Variants in MAP4K5 observed in about 807,000 individuals in gnomAD.
MAP4K5 encodes MAPK/ERK kinase kinase kinase 5.
In MAP4K5, 82 loss-of-function variants were observed where a neutral mutation model predicts 135.6. That is an observed-to-expected ratio of 0.60 (90% CI 0.51 to 0.73). The LOEUF (loss-of-function observed/expected upper bound fraction) is 0.73, where lower values mean the gene tolerates loss of function less well. MAP4K5 is among the 30% of genes least tolerant of loss of function. MAP4K5 has a pLI of 0.00. For synonymous variants in MAP4K5, 347 were observed against 335.0 expected, an observed-to-expected ratio of 1.04 and a Z score of -0.39; for missense variants, 907 against 1,010.9, an observed-to-expected ratio of 0.90 and a Z score of 1.39.
At chr14:50,461,606 G>C (rs1012568190) in intron 13 of MAP4K5, among the ~76,000 whole-genome samples, 6 of 152,012 alleles carry the variant, frequency 3.9e-5, no homozygotes, top group African/African-American at 1.4e-4. Context: ...CTGATTTCCT[G>C]ACAAATTGTG....
At chr14:50,551,235 G>T (rs2038698269) in intron 1 of MAP4K5, among the ~76,000 whole-genome samples, 1 of 152,046 alleles carries the variant, frequency 6.6e-6, no homozygotes, top group African/African-American at 2.4e-5. Context: ...ATCATTCAAG[G>T]CTACTATGAA....
At chr14:50,479,188 T>C (rs8014027) in intron 6 of MAP4K5, among the ~76,000 whole-genome samples, 5 of 128,620 alleles carry the variant, frequency 3.9e-5, no homozygotes, top group African/African-American at 1.5e-4. Context: ...TTCTCTCTCT[T>C]TTTTTTTTTC....
Position 50,541,282 on chromosome 14 carries a change from T to G in MAP4K5, c.-94+1217A>C, listed in dbSNP as rs543780299. 3.3e-4 allele frequency among the ~76,000 whole-genome samples: 50 copies of G among 152,298 alleles called. No individual in the cohort carries two copies. In the South Asian group the frequency reaches 9.1e-3, roughly 28 times the overall value. ...ATCCAGTAGAATATCATGGTAGTCT[T>G]TTATCTTGATAACATTATGCAAATT... On this transcript the variant is annotated intron_variant, in intron 2 of 8. Coordinates refer to the MAP4K5 transcript ENST00000555216.
chr14:50,449,103 A>G, intron 14 of MAP4K5: 1 of 342,528 alleles, frequency 2.9e-6, no homozygotes, highest in Non-Finnish European at 5.2e-6. Context: ...ATTTTTAAAA[A>G]TTCATCAAAA....
chr14:50,465,021 G>C (rs779967718), intron 11 of MAP4K5, among the ~76,000 whole-genome samples: 1 of 152,184 alleles, frequency 6.6e-6, no homozygotes, highest in Non-Finnish European at 1.5e-5. Flanking sequence ...TAGGAACTTA[G>C]AGCAACAGGG....
In MAP4K5 at chr14:50,462,791, AAC is replaced by A. The variant is rs774697447; in HGVS notation, c.820-12_820-11del. On this transcript the variant is annotated splice_polypyrimidine_tract_variant and intron_variant, in intron 12 of 32. Coordinates refer to ENST00000682126, the MANE Select transcript of MAP4K5 (RefSeq NM_006575.6). The stretch of plus-strand genomic sequence containing the variant: ...GTGCAACAAAAGTGTGCTAAAAGAC[AAC>A]AAAATGAAATTTCATGAGTATGCCT... 1.3e-5 allele frequency: 20 copies of A among 1,502,392 alleles called. No homozygotes were observed. The Admixed American group carries it at 3.4e-4, about 26-fold the overall frequency. 93.1% of individuals were successfully genotyped at this position (1,502,392 alleles called of 1,614,324 possible).
At chr14:50,438,578 T>C (rs1566640393) in intron 23 of MAP4K5, among the ~76,000 whole-genome samples, 1 of 152,146 alleles carries the variant, frequency 6.6e-6, no homozygotes, top group East Asian at 1.9e-4. Context: ...TATGGCTGTA[T>C]TAAGTAAGAG....
chr14:50,447,524 GGTAT>G, intron 15 of MAP4K5, 43 bp from the exon 16 acceptor site: 4 of 1,051,656 alleles, frequency 3.8e-6, no homozygotes, highest in Non-Finnish European at 5.6e-6. Flanking sequence ...CTTTGTAACA[GGTAT>G]TAACCATTTT....
At chr14:50,478,434 T>G (rs1003879207) in intron 6 of MAP4K5, among the ~76,000 whole-genome samples, 2 of 152,130 alleles carry the variant, frequency 1.3e-5, no homozygotes, top group African/African-American at 4.8e-5. Flanking sequence ...CTTTATTTCC[T>G]TTCTCTGCTT....
chr14:50,440,136 C>A, intron 22 of MAP4K5, 63 bp from the exon 23 acceptor site: 1 of 1,063,132 alleles, frequency 9.4e-7, no homozygotes, highest in Non-Finnish European at 1.4e-6. Context: ...TAAATTCCAA[C>A]ATTCTGAAAT....
At position 50,476,320 on chromosome 14, in the gene MAP4K5, A is replaced by G. The variant is rs1385331872; in HGVS notation, c.379-14T>C. On this transcript the variant is annotated splice_polypyrimidine_tract_variant and intron_variant, in intron 6 of 32. Transcript: ENST00000682126. ...ATAGGCAAGACCCTAAAAGTTTAAA[A>G]AAAAAAAAAAAGAATGTATCAGCAA... The G allele has an allele frequency of 9.0e-6, 12 of 1,337,696 alleles. No homozygotes were observed. The highest frequency in any genetic ancestry group is 3.4e-5 in the Admixed American group (1 of 29,388). The allele number at this position is 1,337,696 out of a possible 1,614,324, so 82.9% of individuals were successfully genotyped here. A position where few individuals can be genotyped will look rare whatever the true frequency, so the allele number is the denominator to read the frequency against.
At chr14:50,468,896 T>A in intron 9 of MAP4K5, 114 bp from the exon 10 acceptor site, 8 of 876,584 alleles carry the variant, frequency 9.1e-6, no homozygotes, top group Non-Finnish European at 1.4e-5. Context: ...AGGTGTTTAC[T>A]AGGAAAGAAG....
chr14:50,486,276 AT>A (rs1172501334), intron 3 of MAP4K5, 82 bp from the exon 4 acceptor site: 1 of 564,510 alleles, frequency 1.8e-6, no homozygotes, highest in Non-Finnish European at 3.1e-6. Flanking sequence ...TACAATAAAT[AT>A]TAGAGATGAG....
Position 50,429,266 on chromosome 14 carries a change from G to A in MAP4K5, c.2165-6C>T. Reference sequence around the variant, plus strand: ...GGAATCTAACTGCTGGCTGCCTTAGGAAGTAAAAAACAAGGTTACAATTAT... The same window carrying A: ...GGAATCTAACTGCTGGCTGCCTTAGAAAGTAAAAAACAAGGTTACAATTAT... On this transcript the variant is annotated splice_polypyrimidine_tract_variant and splice_region_variant and intron_variant, in intron 28 of 32. Coordinates refer to ENST00000682126, the MANE Select transcript of MAP4K5 (RefSeq NM_006575.6). The A allele has an allele frequency of 6.5e-7, 1 of 1,544,370 alleles. No individual in the cohort carries two copies. Among genetic ancestry groups the A allele is most frequent in the South Asian group, 1.2e-5 (1 of 83,320 alleles).
At chr14:50,451,943 T>G (rs1381000894) in intron 14 of MAP4K5, among the ~76,000 whole-genome samples, 1 of 152,152 alleles carries the variant, frequency 6.6e-6, no homozygotes, top group Non-Finnish European at 1.5e-5. Flanking sequence ...GTTTTCTGAC[T>G]TTCTCGTGGT....
intron 1 of MAP4K5, among the ~76,000 whole-genome samples, chr14:50,543,592 A>G (rs1318428097): frequency 6.6e-6 from 1 of 152,210 alleles, no homozygotes; most frequent in African/African-American, 2.4e-5. Context: ...ACTCAGGAAC[A>G]GCTAGTTTGA....
At chr14:50,533,764 T>C (rs1015228267), upstream of MAP4K5, among the ~76,000 whole-genome samples, 2 of 152,050 alleles carry the variant, frequency 1.3e-5, no homozygotes, top group Non-Finnish European at 2.9e-5. Context: ...ATACTCCTTA[T>C]TGTTGATAAT....
intron 2 of MAP4K5, among the ~76,000 whole-genome samples, chr14:50,528,402 TA>T (rs5808556): frequency 0.73 from 77,849 of 107,038 alleles, 27,621 homozygotes; most frequent in African/African-American, 0.78. Flanking sequence ...ACCTAAGGTG[TA>T]AAAAAAAAAA....
At position 50,482,424 on chromosome 14, in the gene MAP4K5, G is replaced by C; in HGVS notation, c.323-8C>G. The C allele has an allele frequency of 6.6e-7, 1 of 1,511,880 alleles. No homozygotes were observed. The highest frequency in any genetic ancestry group is 8.9e-7 in the Non-Finnish European group (1 of 1,127,514). The allele number at this position is 1,511,880 out of a possible 1,614,324, so 93.7% of individuals were successfully genotyped here. On this transcript the variant is annotated splice_polypyrimidine_tract_variant and splice_region_variant and intron_variant, in intron 5 of 32. Coordinates refer to ENST00000682126, the MANE Select transcript of MAP4K5 (RefSeq NM_006575.6). ...CTGATAATGGTCCAGTAACTAGAAA[G>C]AAAAAGAGACCACATTGTTATACAT... is the stretch of plus-strand genomic sequence containing the variant.
Sources: gnomAD v4.1 joint callset for allele counts (sites outside exome capture counted in the v4.1 genomes callset) on GRCh38, gnomAD v4.1.1 for gene constraint, MANE v1.5 for transcripts, NCBI Gene and HGNC (gene_info 2026-07-23, HGNC 2026-07-21) for gene names.